TMEM87A: variants seen among roughly 807,000 people sequenced by gnomAD.
TMEM87A encodes the protein transmembrane protein 87A.
A neutral mutation model predicts 90.0 loss-of-function variants in TMEM87A; 50 were observed. That is an observed-to-expected ratio of 0.56 (90% CI 0.44 to 0.70). The LOEUF is 0.70. TMEM87A is among the 30% of genes least tolerant of loss of function. The pLI, the probability that TMEM87A is intolerant of heterozygous loss-of-function variation, is 0.00. For synonymous variants in TMEM87A, 226 were observed against 226.7 expected (o/e 1.00, Z 0.03); for missense variants, 577 against 660.5 (o/e 0.87, Z 1.39).
At position 42,219,662 on chromosome 15, in the gene TMEM87A, T is replaced by C. The variant is rs1459111936; in HGVS notation, c.1478-20A>G. On this transcript the variant is annotated intron_variant, in intron 16 of 19. Coordinates refer to ENST00000389834, the MANE Select transcript of TMEM87A (RefSeq NM_015497.5). ...TTCCTTCTGTAGAAGAAAATAAATA[T>C]ACACTGTTTAACTTTGTGAACAGAC... 7.1e-6 allele frequency: 11 copies of C among 1,540,326 alleles called. No homozygotes were observed. Among genetic ancestry groups the C allele is most frequent in the Non-Finnish European group, 8.9e-6 (10 of 1,122,540 alleles).
chr15:42,271,297 T>C (rs1032733538), intron 2 of TMEM87A, among the ~76,000 whole-genome samples: 1 of 152,216 alleles, frequency 6.6e-6, no homozygotes, highest in Non-Finnish European at 1.5e-5. Flanking sequence ...ACTAAATATA[T>C]TCCTTCACAG....
rs2050447963 is a variant in TMEM87A at position 42,220,081 on chromosome 15, AG to A, written c.1457del (p.Pro486LeufsTer3). ...EEEEEDEQKE[P>X]MLKESFEGMK... ...TATTACCAAAGCTTTCTTTCAGCAT[AG>A]GCTCCTTTTGTTCATCCTCCTCCTC... is the stretch of plus-strand genomic sequence containing the variant. On this transcript the variant is annotated frameshift_variant, in exon 16 of 20. Coordinates refer to ENST00000389834, the MANE Select transcript of TMEM87A (RefSeq NM_015497.5). LOFTEE classifies it high-confidence loss of function. 6.2e-7 allele frequency: 1 copy of A among 1,607,054 alleles called. No homozygotes were observed.
At position 42,239,664 on chromosome 15, in the gene TMEM87A, A is replaced by G. The variant is rs1237325591; in HGVS notation, c.684+6T>C. On this transcript the variant is annotated splice_donor_region_variant and intron_variant, in intron 8 of 19. Coordinates refer to ENST00000389834, the MANE Select transcript of TMEM87A (RefSeq NM_015497.5). ...TACTGAGGTTAAATAATATAAAGTC[A>G]CTTACAATCATCAAGGGATAGTCTT... is the stretch of plus-strand genomic sequence containing the variant. 1.2e-6 allele frequency: 2 copies of G among 1,611,764 alleles called. No individual in the cohort carries two copies. The highest frequency in any genetic ancestry group is 1.3e-5 in the African/African-American group (1 of 74,884).
chr15:42,231,661 C>G (rs2050688150), intron 11 of TMEM87A, among the ~76,000 whole-genome samples: 1 of 152,070 alleles, frequency 6.6e-6, no homozygotes, highest in African/African-American at 2.4e-5. Context: ...ATTACTGCAT[C>G]ATATACAAAG....
At position 42,222,666 on chromosome 15, in the gene TMEM87A, C is replaced by A. The variant is rs146031234; in HGVS notation, c.1404-2531G>T. ...CTCCGCCTCCCGGGTTCAAGCAATT[C>A]TGCTGTCTCAGCCTCCCAAGTAGCT... is the stretch of plus-strand genomic sequence containing the variant. On this transcript the variant is annotated intron_variant, in intron 15 of 19. Coordinates refer to ENST00000389834, the MANE Select transcript of TMEM87A (RefSeq NM_015497.5). 9.0e-4 allele frequency among the ~76,000 whole-genome samples: 137 copies of A among 152,082 alleles called. 1 individual carries two copies. The highest frequency in any genetic ancestry group is 2.9e-3 in the African/African-American group (121 of 41,490).
intron 15 of TMEM87A, among the ~76,000 whole-genome samples, chr15:42,225,493 C>G (rs1449001483): frequency 6.6e-6 from 1 of 152,138 alleles, no homozygotes. Context: ...TTCTTTCCTT[C>G]TAGACACTAG....
intron 7 of TMEM87A, among the ~76,000 whole-genome samples, chr15:42,240,886 TAA>T (rs1313077355): frequency 6.6e-6 from 1 of 152,222 alleles, no homozygotes; most frequent in Non-Finnish European, 1.5e-5. Flanking sequence ...CCTAATTCAA[TAA>T]AAGAGTAAAC....
At chr15:42,259,399 T>A (rs539652707) in intron 6 of TMEM87A, among the ~76,000 whole-genome samples, 1 of 152,276 alleles carries the variant, frequency 6.6e-6, no homozygotes, top group Admixed American at 6.5e-5. Context: ...AAAAAATACA[T>A]TTGGAGGTCC....
chr15:42,266,258 G>A (rs1031159442), intron 3 of TMEM87A, among the ~76,000 whole-genome samples: 1 of 152,238 alleles, frequency 6.6e-6, no homozygotes, highest in Non-Finnish European at 1.5e-5. Flanking sequence ...GCTCACGCCT[G>A]TAATCCCAGC....
In TMEM87A at chr15:42,231,340, T is replaced by G. The variant is rs1213719442; in HGVS notation, c.1063-80A>C. The G allele has an allele frequency of 5.9e-6, 7 of 1,179,824 alleles. No individual in the cohort carries two copies. In the Admixed American group the frequency reaches 9.7e-5, roughly 16 times the overall value. The allele number at this position is 1,179,824 out of a possible 1,614,324, so 73.1% of individuals were successfully genotyped here. ...AAGAAACCACCACATGATTCTGCATTTACATAATCACTGGAAAGTTTTTGC... is the reference window on the plus strand; with the variant it reads ...AAGAAACCACCACATGATTCTGCATGTACATAATCACTGGAAAGTTTTTGC... On this transcript the variant is annotated intron_variant, in intron 11 of 19. Transcript: ENST00000389834.
chr15:42,271,930 G>C, intron 2 of TMEM87A, 133 bp downstream of exon 2: 1 of 714,302 alleles, frequency 1.4e-6, no homozygotes, highest in Non-Finnish European at 2.3e-6. Context: ...AAGGACCTTA[G>C]TAATACTAAA....
chr15:42,214,192 A>G (rs2050343073), intron 19 of TMEM87A, among the ~76,000 whole-genome samples: 1 of 149,678 alleles, frequency 6.7e-6, no homozygotes, highest in Non-Finnish European at 1.5e-5. Context: ...ACATCCCAAC[A>G]AAAAAACAGC....
intron 3 of TMEM87A, 120 bp downstream of exon 3, chr15:42,267,827 A>G (rs2051435627): frequency 1.5e-6 from 1 of 667,338 alleles, no homozygotes; most frequent in East Asian, 3.0e-5. Flanking sequence ...GGAAGCATGC[A>G]TTCTAGTTTC....
chr15:42,261,591 A>G (rs2051293196), intron 4 of TMEM87A, among the ~76,000 whole-genome samples: 1 of 152,162 alleles, frequency 6.6e-6, no homozygotes, highest in South Asian at 2.1e-4. Flanking sequence ...ATGTGGCTCA[A>G]AACTACAAAG....
chr15:42,264,685 A>G (rs148766919), intron 3 of TMEM87A, among the ~76,000 whole-genome samples: 1,320 of 17,478 alleles, frequency 0.076, 25 homozygotes, highest in African/African-American at 0.087. Flanking sequence ...ATGTGTGTGT[A>G]TATATATATA....
Position 42,239,655 on chromosome 15 carries a change from T to C in TMEM87A, c.684+15A>G, listed in dbSNP as rs1044888818. On this transcript the variant is annotated intron_variant, in intron 8 of 19. Transcript: ENST00000389834. ...ACCATCCAATACTGAGGTTAAATAATATAAAGTCACTTACAATCATCAAGG... is the reference window on the plus strand; with the variant it reads ...ACCATCCAATACTGAGGTTAAATAACATAAAGTCACTTACAATCATCAAGG... 6.2e-6 allele frequency: 10 copies of C among 1,609,152 alleles called. No homozygotes were observed. Among genetic ancestry groups the C allele is most frequent in the Admixed American group, 1.7e-5 (1 of 60,014 alleles).
chr15:42,264,699 A>ATATATATAT (rs10681614), intron 3 of TMEM87A, among the ~76,000 whole-genome samples: 26 of 109,434 alleles, frequency 2.4e-4, no homozygotes, highest in South Asian at 9.1e-4. Flanking sequence ...ATATATATAT[A>ATATATATAT]TTTTTTTTTT....
intron 19 of TMEM87A, among the ~76,000 whole-genome samples, chr15:42,212,954 T>G (rs115137148): frequency 0.021 from 3,172 of 152,316 alleles, 118 homozygotes; most frequent in African/African-American, 0.073. Context: ...ACTCCTTCCC[T>G]CTACAGACAC....
chr15:42,257,857 A>G, intron 6 of TMEM87A: 2 of 962,808 alleles, frequency 2.1e-6, no homozygotes, highest in Non-Finnish European at 2.5e-6. Flanking sequence ...AGAAAAAATT[A>G]TACAATGGTA....
Sources: gnomAD v4.1 joint callset for allele counts (sites outside exome capture counted in the v4.1 genomes callset) on GRCh38, gnomAD v4.1.1 for gene constraint, MANE v1.5 for transcripts, NCBI Gene and HGNC (gene_info 2026-07-23, HGNC 2026-07-21) for gene names.